Variants in VGLL4 observed in about 807,000 individuals in gnomAD.
VGLL4 encodes vestigial like family member 4.
A neutral mutation model predicts 21.0 loss-of-function variants in VGLL4; 7 were observed. The observed-to-expected ratio is 0.33, with a 90% CI of 0.19 to 0.63. The LOEUF (loss-of-function observed/expected upper bound fraction) is 0.63. Among genes scored for constraint, VGLL4 ranks in the 20% least tolerant of loss-of-function variants. VGLL4 has a pLI of 0.78. For missense variants in VGLL4, 394 were observed against 425.7 expected, an observed-to-expected ratio of 0.93 and a Z score of 0.66; for synonymous variants, 222 against 173.2, an observed-to-expected ratio of 1.28 and a Z score of -2.21.
Position 11,558,566 on chromosome 3 carries a change from A to G in VGLL4, c.881T>C (p.Val294Ala). ...GAGGAGGCGCTCCCTTCAGGAGACCACAGAGGGGGAGTGACTGTGGCTGAC... is the reference window on the plus strand; with the variant it reads ...GAGGAGGCGCTCCCTTCAGGAGACCGCAGAGGGGGAGTGACTGTGGCTGAC... ...HMVSHSHSPSVVS is the reference protein window; with the variant it reads ...HMVSHSHSPSAVS Residue 294 changes from valine to alanine, a missense_variant, in exon 5 of 5, where the codon GTG becomes GCG. Coordinates refer to ENST00000430365, the MANE Select transcript of VGLL4 (RefSeq NM_001128219.3). The G allele has an allele frequency of 6.3e-7, 1 of 1,594,782 alleles. No homozygotes were observed. The highest frequency in any genetic ancestry group is 8.5e-7 in the Non-Finnish European group (1 of 1,176,358).
chr3:11,611,262 A>C (rs942421545), intron 1 of VGLL4, among the ~76,000 whole-genome samples: 4 of 152,214 alleles, frequency 2.6e-5, no homozygotes, highest in African/African-American at 9.7e-5. Context: ...GAGACTTTAA[A>C]GAGGTAATTA....
upstream of VGLL4, among the ~76,000 whole-genome samples, chr3:11,645,090 C>A (rs1407274117): frequency 6.6e-6 from 1 of 151,460 alleles, no homozygotes; most frequent in African/African-American, 2.4e-5. Context: ...TTACCCAGTG[C>A]CTAGCACAAC....
chr3:11,679,543 C>A (rs983569549), intron 2 of VGLL4, among the ~76,000 whole-genome samples: 2 of 151,944 alleles, frequency 1.3e-5, no homozygotes, highest in Non-Finnish European at 2.9e-5. Context: ...CTTAGCCAGG[C>A]GTGGTAGCAT....
At chr3:11,600,577 A>G (rs2074769882) in intron 2 of VGLL4, among the ~76,000 whole-genome samples, 1 of 152,200 alleles carries the variant, frequency 6.6e-6, no homozygotes, top group South Asian at 2.1e-4. Context: ...CTGCAGGCTC[A>G]GCCTCTGACT....
chr3:11,659,054 T>A (rs1048931888), intron 2 of VGLL4, among the ~76,000 whole-genome samples: 2 of 152,116 alleles, frequency 1.3e-5, no homozygotes, highest in Admixed American at 1.3e-4. Context: ...ACAATTTCCA[T>A]GCCTCTAAGA....
At chr3:11,682,696 A>G (rs1055845126) in intron 2 of VGLL4, among the ~76,000 whole-genome samples, 2 of 151,958 alleles carry the variant, frequency 1.3e-5, no homozygotes, top group African/African-American at 4.8e-5. Context: ...AACTTGTCCA[A>G]CTCCTAAAAC....
At chr3:11,599,624 T>C in intron 2 of VGLL4, among the ~76,000 whole-genome samples, 1 of 139,188 alleles carries the variant, frequency 7.2e-6, no homozygotes, top group Non-Finnish European at 1.5e-5. Context: ...GTTCAAGTGA[T>C]TCTCATGCCT....
rs2073651661 is a variant in VGLL4, at chr3:11,568,723, G to C, written c.273-3704C>G. The C allele has an allele frequency of 1.3e-6, 2 of 1,544,308 alleles. No individual in the cohort carries two copies. The highest frequency in any genetic ancestry group is 1.7e-6 in the Non-Finnish European group (2 of 1,144,004). On this transcript the variant is annotated intron_variant, in intron 2 of 4. Coordinates refer to ENST00000430365, the MANE Select transcript of VGLL4 (RefSeq NM_001128219.3). This position sits in a 1 kb window ranked among gnomAD's most constrained non-coding sequence, Gnocchi z 5.9. ...TTCCCAGGCGTCATGTGCTCCCGGGGACGGCAGAAAACCGCACGCATCCTG... is the reference window on the plus strand; with the variant it reads ...TTCCCAGGCGTCATGTGCTCCCGGGCACGGCAGAAAACCGCACGCATCCTG...
chr3:11,613,448 C>T (rs185590859), intron 1 of VGLL4, among the ~76,000 whole-genome samples: 63 of 152,214 alleles, frequency 4.1e-4, no homozygotes, highest in African/African-American at 1.4e-3. Flanking sequence ...TCTGATCTCC[C>T]GTAACACTCC....
At chr3:11,689,566 T>A (rs1366316846) in intron 2 of VGLL4, among the ~76,000 whole-genome samples, 1 of 152,206 alleles carries the variant, frequency 6.6e-6, no homozygotes, top group Non-Finnish European at 1.5e-5. Flanking sequence ...GACTAACATG[T>A]TTTTGGCTTC....
At chr3:11,705,152 T>C (rs1056673030) in intron 1 of VGLL4, among the ~76,000 whole-genome samples, 2 of 152,200 alleles carry the variant, frequency 1.3e-5, no homozygotes, top group Non-Finnish European at 2.9e-5. Flanking sequence ...GAAAACTCCA[T>C]CTAAGCAGAA....
At chr3:11,636,226 C>T (rs980395146) in intron 1 of VGLL4, among the ~76,000 whole-genome samples, 1 of 152,140 alleles carries the variant, frequency 6.6e-6, no homozygotes, top group Non-Finnish European at 1.5e-5. Flanking sequence ...AGTCTCCCAG[C>T]TGGATTATGG....
At chr3:11,615,595 A>G (rs144574191) in intron 1 of VGLL4, among the ~76,000 whole-genome samples, 2,227 of 152,308 alleles carry the variant, frequency 0.015, 35 homozygotes, top group Middle Eastern at 0.048. Flanking sequence ...TTTTGTAGTA[A>G]TAGTTTGGGG....
In VGLL4 at chr3:11,558,443, A is replaced by C; in HGVS notation, c.*113T>G. The C allele has an allele frequency of 1.4e-5, 19 of 1,396,258 alleles. No individual in the cohort carries two copies. Among genetic ancestry groups the C allele is most frequent in the Non-Finnish European group, 1.1e-5 (12 of 1,057,740 alleles). 86.5% of individuals were successfully genotyped at this position (1,396,258 alleles called of 1,614,324 possible). A position where few individuals can be genotyped will look rare whatever the true frequency, so the allele number is the denominator to read the frequency against. On this transcript the variant is annotated 3_prime_UTR_variant, in exon 5 of 5. Coordinates refer to ENST00000430365, the MANE Select transcript of VGLL4 (RefSeq NM_001128219.3). ...ACAACATGGTTTTTGCAAATAAACC[A>C]TCCCTTCCCTTCCCCCCACCCCACC... is the stretch of plus-strand genomic sequence containing the variant.
In VGLL4 at chr3:11,558,460, CA is replaced by C; in HGVS notation, c.*95del. ...AATAAACCATCCCTTCCCTTCCCCCCACCCCACCCCCATGATTTTTTTTTTT... is the reference window on the plus strand; with the variant it reads ...AATAAACCATCCCTTCCCTTCCCCCCCCCCACCCCCATGATTTTTTTTTTT... On this transcript the variant is annotated 3_prime_UTR_variant, in exon 5 of 5. Coordinates refer to ENST00000430365, the MANE Select transcript of VGLL4 (RefSeq NM_001128219.3). 6.5e-6 allele frequency: 7 copies of C among 1,069,158 alleles called. No individual in the cohort carries two copies. The highest frequency in any genetic ancestry group is 9.0e-6 in the Non-Finnish European group (7 of 775,802). The allele number at this position is 1,069,158 out of a possible 1,614,324, so 66.2% of individuals were successfully genotyped here. A position where few individuals can be genotyped will look rare whatever the true frequency, so the allele number is the denominator to read the frequency against.
intron 2 of VGLL4, among the ~76,000 whole-genome samples, chr3:11,677,249 G>A (rs1361346808): frequency 6.6e-6 from 1 of 151,690 alleles, no homozygotes; most frequent in African/African-American, 2.4e-5. Flanking sequence ...GGTATAATTT[G>A]TAATATTTTT....
intron 2 of VGLL4, among the ~76,000 whole-genome samples, chr3:11,590,418 T>C (rs1213179296): frequency 6.6e-6 from 1 of 152,160 alleles, no homozygotes; most frequent in Non-Finnish European, 1.5e-5. Context: ...GCATTATTCT[T>C]AGGTCTCTTC....
At chr3:11,713,568 T>TTTTATATATATATATATA (rs149323078) in intron 1 of VGLL4, among the ~76,000 whole-genome samples, 1 of 140,294 alleles carries the variant, frequency 7.1e-6, no homozygotes, top group African/African-American at 2.7e-5. Flanking sequence ...TATATATTAT[T>TTTTATATATATATATATA]TATATATATA....
chr3:11,660,825 A>G (rs1200019549), intron 2 of VGLL4, among the ~76,000 whole-genome samples: 1 of 152,208 alleles, frequency 6.6e-6, no homozygotes, highest in African/African-American at 2.4e-5. Context: ...ATTTAAATTT[A>G]GCTTTAAAAA....
Sources: allele counts gnomAD v4.1 joint callset (sites outside exome capture counted in the v4.1 genomes callset), GRCh38; gene constraint gnomAD v4.1.1; non-coding constraint Gnocchi (gnomAD v3.1); transcripts MANE v1.5; gene names NCBI Gene and HGNC (gene_info 2026-07-23, HGNC 2026-07-21).